NAV3: variants seen among roughly 807,000 people sequenced by gnomAD.
NAV3 encodes neuron navigator 3.
In NAV3, 87 loss-of-function variants were observed where a neutral mutation model predicts 244.7. The observed-to-expected ratio is 0.36, with a 90% CI of 0.30 to 0.42. NAV3 has a LOEUF of 0.42. Ranked by LOEUF, NAV3 falls within the 20% of genes least tolerant of loss-of-function variation. The probability of loss-of-function intolerance (pLI) is 1.00; values close to 1 mark genes in which losing one functional copy is unlikely to be tolerated. For synonymous variants in NAV3, 1,126 were observed against 1,042.2 expected, an observed-to-expected ratio of 1.08 and a Z score of -1.55; for missense variants, 2,663 against 2,893.3, an observed-to-expected ratio of 0.92 and a Z score of 1.83.
At chr12:77,792,457 C>G (rs144858435) in intron 2 of NAV3, among the ~76,000 whole-genome samples, 53 of 152,210 alleles carry the variant, frequency 3.5e-4, no homozygotes, top group African/African-American at 1.3e-3. Context: ...TCACTCAGAC[C>G]ACAAGCTACA....
chr12:77,720,565 T>C (rs1876571348), intron 2 of NAV3, among the ~76,000 whole-genome samples: 1 of 152,080 alleles, frequency 6.6e-6, no homozygotes, highest in Non-Finnish European at 1.5e-5. Flanking sequence ...AGTATGCCAG[T>C]CCCATCAGCA....
At chr12:77,667,706 G>C (rs1873779978) in intron 2 of NAV3, among the ~76,000 whole-genome samples, 1 of 151,984 alleles carries the variant, frequency 6.6e-6, no homozygotes, top group Non-Finnish European at 1.5e-5. Context: ...TAATCTCTTG[G>C]TAGCTCTATG....
chr12:77,628,557 C>A (rs1218646232), intron 2 of NAV3, among the ~76,000 whole-genome samples: 1 of 151,982 alleles, frequency 6.6e-6, no homozygotes, highest in Non-Finnish European at 1.5e-5. Flanking sequence ...TATCTATTTT[C>A]TTTTCTTTCC....
intron 2 of NAV3, among the ~76,000 whole-genome samples, chr12:77,789,625 C>A (rs1374490097): frequency 2.6e-5 from 4 of 151,344 alleles, no homozygotes; most frequent in Non-Finnish European, 4.4e-5. Flanking sequence ...GCCTGGCCAA[C>A]ATGATGAAGC....
Position 77,775,621 on chromosome 12 carries a change from C to T in NAV3, c.73-164698C>T, listed in dbSNP as rs368048651. Among the ~76,000 whole-genome samples the T allele has an allele frequency of 4.6e-5, 7 of 152,138 alleles. No homozygotes were observed. The East Asian group carries it at 1.2e-3, about 25-fold the overall frequency. Reference sequence around the variant, plus strand: ...GTTTCATTATATATAAGTATGTATACCACGTTAGAACTTTTGGGAACAGGT... The same window carrying T: ...GTTTCATTATATATAAGTATGTATATCACGTTAGAACTTTTGGGAACAGGT... On this transcript the variant is annotated intron_variant, in intron 2 of 8. Transcript: ENST00000550042.
At chr12:77,656,053 C>T (rs1004299003) in intron 2 of NAV3, among the ~76,000 whole-genome samples, 2 of 150,842 alleles carry the variant, frequency 1.3e-5, no homozygotes, top group African/African-American at 2.5e-5. Context: ...CATCAACTAA[C>T]GAGCAGAATA....
At chr12:77,741,304 A>C (rs1868332037) in intron 2 of NAV3, among the ~76,000 whole-genome samples, 1 of 152,100 alleles carries the variant, frequency 6.6e-6, no homozygotes, top group African/African-American at 2.4e-5. Context: ...TATTCTCATC[A>C]ATTTATCCAC....
intron 7 of NAV3, among the ~76,000 whole-genome samples, chr12:78,002,330 C>G (rs1052531342): frequency 6.6e-6 from 1 of 152,184 alleles, no homozygotes; most frequent in Non-Finnish European, 1.5e-5. Flanking sequence ...TTTGCCATTT[C>G]TCACCGTGAT....
At chr12:78,122,477 C>T in intron 16 of NAV3, 49 bp downstream of exon 16, 2 of 1,517,352 alleles carry the variant, frequency 1.3e-6, no homozygotes, top group Non-Finnish European at 1.8e-6. Flanking sequence ...CTTCCCTGCA[C>T]TATGCCTAAC....
chr12:77,956,677 T>G (rs1034452139), intron 3 of NAV3, among the ~76,000 whole-genome samples: 1 of 152,150 alleles, frequency 6.6e-6, no homozygotes, highest in Non-Finnish European at 1.5e-5. Context: ...CTGGTTGGTA[T>G]GCCCTGTTCC....
intron 1 of NAV3, among the ~76,000 whole-genome samples, chr12:77,921,755 T>A (rs1485401862): frequency 2.0e-5 from 3 of 152,098 alleles, no homozygotes; most frequent in Non-Finnish European, 4.4e-5. Context: ...TCTCTTTTTA[T>A]TTTTTATACC....
chr12:78,178,118 T>C (rs903718929), intron 28 of NAV3, among the ~76,000 whole-genome samples: 3 of 151,634 alleles, frequency 2.0e-5, no homozygotes, highest in African/African-American at 7.3e-5. Context: ...TATTTTCTGA[T>C]AATAGTTATA....
intron 13 of NAV3, among the ~76,000 whole-genome samples, chr12:78,117,679 A>G (rs1277094232): frequency 6.6e-6 from 1 of 151,768 alleles, no homozygotes; most frequent in Non-Finnish European, 1.5e-5. Flanking sequence ...ATTTTATATG[A>G]TCTCTGAAAT....
At chr12:77,962,641 C>T (rs533546504) in intron 3 of NAV3, among the ~76,000 whole-genome samples, 7 of 152,134 alleles carry the variant, frequency 4.6e-5, no homozygotes, top group Non-Finnish European at 1.0e-4. Flanking sequence ...CCACGAACCC[C>T]ACCAGAAAAG....
chr12:77,929,210 A>G (rs1490441257), intron 1 of NAV3, among the ~76,000 whole-genome samples: 2 of 152,360 alleles, frequency 1.3e-5, no homozygotes, highest in South Asian at 2.1e-4. Flanking sequence ...ATATTAATTA[A>G]GGACTTGTAT....
chr12:77,758,635 G>A lies in NAV3; in HGVS notation c.73-181684G>A, dbSNP rs565000538. Among the ~76,000 whole-genome samples the A allele has an allele frequency of 5.9e-5, 9 of 152,266 alleles. No individual in the cohort carries two copies. In the East Asian group the frequency reaches 7.7e-4, roughly 13 times the overall value. On this transcript the variant is annotated intron_variant, in intron 2 of 8. Transcript: ENST00000550042. ...GAAATTGCTGATAATACAAAGAGCC[G>A]TACAAAATATGTGTTATAATACTTT...
chr12:77,724,944 G>C (rs1319990430), intron 2 of NAV3, among the ~76,000 whole-genome samples: 1 of 151,962 alleles, frequency 6.6e-6, no homozygotes, highest in Non-Finnish European at 1.5e-5. Context: ...AACTGAGAAT[G>C]CTATTGTGGA....
chr12:77,956,573 G>A (rs1039732253), intron 3 of NAV3, among the ~76,000 whole-genome samples: 2 of 152,106 alleles, frequency 1.3e-5, no homozygotes, highest in African/African-American at 4.8e-5. Flanking sequence ...TAAATCCAAG[G>A]TCAAAGTCAG....
chr12:77,686,661 A>G (rs368723533), intron 2 of NAV3, among the ~76,000 whole-genome samples: 26 of 152,042 alleles, frequency 1.7e-4, no homozygotes, highest in African/African-American at 6.3e-4. Context: ...ATGCCCATTT[A>G]TAGATGAGGG....
Sources: gnomAD v4.1 joint callset for allele counts (sites outside exome capture counted in the v4.1 genomes callset) on GRCh38, gnomAD v4.1.1 for gene constraint, MANE v1.5 for transcripts, NCBI Gene and HGNC (gene_info 2026-07-23, HGNC 2026-07-21) for gene names.